CALCR: variants seen among roughly 807,000 people sequenced by gnomAD.
CALCR encodes the protein calcitonin receptor.
CALCR carries 47 observed loss-of-function variants against 59.5 expected under a neutral mutation model. The observed-to-expected ratio is 0.79, with a 90% confidence interval of 0.63 to 1.01. CALCR has a LOEUF of 1.01. Ranked by LOEUF, CALCR falls within the 50% of genes least tolerant of loss-of-function variation. CALCR has a pLI of 0.00. For missense variants in CALCR, 566 were observed against 597.1 expected, an observed-to-expected ratio of 0.95 and a Z score of 0.54; for synonymous variants, 213 against 211.3, an observed-to-expected ratio of 1.01 and a Z score of -0.07.
intron 13 of CALCR, among the ~76,000 whole-genome samples, chr7:93,431,982 C>T (rs1799668073): frequency 6.6e-6 from 1 of 152,160 alleles, no homozygotes; most frequent in African/African-American, 2.4e-5. Flanking sequence ...AATGTCCACT[C>T]ACTTGGAAGA....
rs531825392 is a variant in CALCR, at chr7:93,550,302, C to T, written c.-27+23987G>A. Among the ~76,000 whole-genome samples the T allele has an allele frequency of 2.0e-5, 3 of 151,616 alleles. No individual in the cohort carries two copies. In the East Asian group the frequency reaches 5.8e-4, roughly 30 times the overall value. ...GTCAGGAGTTCGAGAGCAGCCTGGC[C>T]AACATGGTGAAATCCCGTCTCTGCT... is the stretch of plus-strand genomic sequence containing the variant. On this transcript the variant is annotated intron_variant, in intron 2 of 13. Coordinates refer to ENST00000426151, the MANE Select transcript of CALCR (RefSeq NM_001742.4).
chr7:93,545,443 G>A (rs572797063), intron 2 of CALCR, among the ~76,000 whole-genome samples: 15 of 152,152 alleles, frequency 9.9e-5, no homozygotes, highest in South Asian at 2.1e-4. Context: ...GAAATTTAAC[G>A]TGGTATGTCC....
chr7:93,432,177 T>A (rs541061361), intron 13 of CALCR, among the ~76,000 whole-genome samples: 4 of 152,294 alleles, frequency 2.6e-5, no homozygotes, highest in African/African-American at 9.6e-5. Flanking sequence ...AAAAATGAAA[T>A]AATAATTTCA....
At position 93,514,599 on chromosome 7, in the gene CALCR, G is replaced by T. The variant is rs536245325; in HGVS notation, c.-26-27592C>A. Among the ~76,000 whole-genome samples, 11 of 151,956 alleles carry T rather than the reference G, an allele frequency of 7.2e-5. No individual in the cohort carries two copies. In the East Asian group the frequency reaches 1.9e-3, roughly 27 times the overall value. ...CTCTATTGCTGCTACCAAATCTAAG[G>T]TAATTTAATTTCTTATATTCAGCAT... On this transcript the variant is annotated intron_variant, in intron 2 of 13. Coordinates refer to ENST00000426151, the MANE Select transcript of CALCR (RefSeq NM_001742.4).
chr7:93,486,987 A>G lies in CALCR; in HGVS notation c.-6T>C, dbSNP rs2301680. The G allele has an allele frequency of 0.51, 801,591 of 1,585,456 alleles. 205,725 individuals are homozygous for G. The highest frequency in any genetic ancestry group is 0.68 in the East Asian group (30,031 of 44,344). On this transcript the variant is annotated 5_prime_UTR_variant, in exon 3 of 14. Coordinates refer to ENST00000426151, the MANE Select transcript of CALCR (RefSeq NM_001742.4). ...CTTGTAAATGTGAACCTCATTTTTG[A>G]TTTTTGAAGATCTCTTTGTCCTAGA...
intron 7 of CALCR, among the ~76,000 whole-genome samples, chr7:93,466,410 T>A (rs1330691861): frequency 1.3e-5 from 2 of 151,914 alleles, no homozygotes; most frequent in Admixed American, 1.3e-4. Context: ...CATTAAAGGG[T>A]TAGGATCATA....
At chr7:93,527,226 T>C (rs1231683956) in intron 2 of CALCR, among the ~76,000 whole-genome samples, 1 of 151,354 alleles carries the variant, frequency 6.6e-6, no homozygotes, top group Non-Finnish European at 1.5e-5. Flanking sequence ...ATATATGTAG[T>C]ATATTTATGT....
At chr7:93,573,723 C>G (rs546316225) in intron 2 of CALCR, among the ~76,000 whole-genome samples, 16 of 152,300 alleles carry the variant, frequency 1.1e-4, no homozygotes, top group South Asian at 8.3e-4. Context: ...AAAAAGAGTA[C>G]TCTTTTGGAA....
intron 2 of CALCR, among the ~76,000 whole-genome samples, chr7:93,570,100 A>C (rs1288276765): frequency 1.3e-5 from 2 of 152,142 alleles, no homozygotes; most frequent in African/African-American, 4.8e-5. Context: ...AAAATTAAGG[A>C]GCTGTTGAGG....
In CALCR at chr7:93,443,741, A is replaced by G. The variant is rs1190076917; in HGVS notation, c.665T>C (p.Leu222Ser). 6.2e-7 allele frequency: 1 copy of G among 1,612,988 alleles called. No individual in the cohort carries two copies. The highest frequency in any genetic ancestry group is 8.5e-7 in the Non-Finnish European group (1 of 1,179,348). ...CATCATGTACTGGTGGAAAAAATGC[A>G]AAATCTTGCAGCTCACCTGTCAGAA... ...VRRDPVSCKI[L>S]HFFHQYMMAC... The change falls in exon 9 of 14, where the codon TTG becomes TCG. Residue 222 changes from leucine to serine, a missense_variant. Transcript: ENST00000426151.
At chr7:93,532,864 T>G in intron 2 of CALCR, among the ~76,000 whole-genome samples, 2 of 92,860 alleles carry the variant, frequency 2.2e-5, no homozygotes, top group African/African-American at 5.9e-5. Flanking sequence ...AAAAAAAAAA[T>G]ACTTACTCAA....
intron 3 of CALCR, among the ~76,000 whole-genome samples, chr7:93,480,514 T>C (rs1426408605): frequency 1.3e-5 from 2 of 151,874 alleles, no homozygotes; most frequent in African/African-American, 2.4e-5. Context: ...TCTCCAATTG[T>C]ATTGATGGCA....
chr7:93,519,848 G>A (rs555767194), intron 2 of CALCR, among the ~76,000 whole-genome samples: 176 of 152,070 alleles, frequency 1.2e-3, no homozygotes, highest in Non-Finnish European at 2.2e-3. Flanking sequence ...GCTGCCATGT[G>A]AAGAAGTTCC....
At chr7:93,534,547 C>A (rs187343260) in intron 2 of CALCR, among the ~76,000 whole-genome samples, 1 of 151,758 alleles carries the variant, frequency 6.6e-6, no homozygotes, top group Non-Finnish European at 1.5e-5. Context: ...TATGTCAGTA[C>A]CCTTTCCAAC....
chr7:93,491,039 G>A (rs1321605364), intron 2 of CALCR, among the ~76,000 whole-genome samples: 2 of 151,992 alleles, frequency 1.3e-5, no homozygotes, highest in South Asian at 2.1e-4. Flanking sequence ...AAACAGCATG[G>A]CACTGGTACC....
intron 8 of CALCR, among the ~76,000 whole-genome samples, chr7:93,448,760 T>C (rs1188086570): frequency 6.6e-6 from 1 of 152,050 alleles, no homozygotes; most frequent in Non-Finnish European, 1.5e-5. Context: ...AGGAACAGAT[T>C]AGCAGATTCT....
At chr7:93,443,054 G>C (rs1254405621) in intron 9 of CALCR, among the ~76,000 whole-genome samples, 1 of 151,952 alleles carries the variant, frequency 6.6e-6, no homozygotes, top group Non-Finnish European at 1.5e-5. Context: ...AAGCTTTCCC[G>C]AGCCAATGCC....
intron 2 of CALCR, among the ~76,000 whole-genome samples, chr7:93,494,215 A>C (rs1159999822): frequency 6.6e-6 from 1 of 151,406 alleles, no homozygotes; most frequent in Non-Finnish European, 1.5e-5. Context: ...TTGATAGTAC[A>C]TGGTACCATC....
chr7:93,477,990 A>T (rs1469500525), intron 4 of CALCR, among the ~76,000 whole-genome samples: 1 of 133,188 alleles, frequency 7.5e-6, no homozygotes, highest in South Asian at 2.4e-4. Context: ...AAAAAAAAAA[A>T]AAAAATTCTA....
Sources: allele counts gnomAD v4.1 joint callset (sites outside exome capture counted in the v4.1 genomes callset), GRCh38; gene constraint gnomAD v4.1.1; transcripts MANE v1.5; gene names NCBI Gene and HGNC (gene_info 2026-07-23, HGNC 2026-07-21).